NDUFV2: variants seen among roughly 807,000 people sequenced by gnomAD.
NDUFV2 encodes the protein NADH:ubiquinone oxidoreductase core subunit V2.
In NDUFV2, 18 loss-of-function variants were observed where a neutral mutation model predicts 31.6. The ratio of observed to expected loss-of-function variants is 0.57; its 90% CI spans 0.39 to 0.84. The LOEUF (loss-of-function observed/expected upper bound fraction) is 0.84. NDUFV2 is among the 40% of genes least tolerant of loss of function. NDUFV2 has a pLI of 0.00. For missense variants in NDUFV2, 314 were observed against 303.6 expected, an observed-to-expected ratio of 1.03 and a Z score of -0.26; for synonymous variants, 83 against 99.8, an observed-to-expected ratio of 0.83 and a Z score of 1.01.
At chr18:9,116,656 A>C (rs543038583) in intron 1 of NDUFV2, among the ~76,000 whole-genome samples, 2 of 152,370 alleles carry the variant, frequency 1.3e-5, no homozygotes, top group Admixed American at 1.3e-4. Context: ...TAATTAAAGC[A>C]GATGTTCCAT....
chr18:9,118,815 GTTTT>G (rs71168030), intron 2 of NDUFV2, among the ~76,000 whole-genome samples: 3 of 76,760 alleles, frequency 3.9e-5, no homozygotes, highest in African/African-American at 1.5e-4. Context: ...AGATGGTGCT[GTTTT>G]TTTTTTTTTT....
rs764178231 is a variant in NDUFV2, at chr18:9,102,794, C to T, written c.51C>T (p.His17=). Residue 17 remains histidine, a synonymous_variant, in exon 1 of 8, where the codon CAC becomes CAT. Coordinates refer to ENST00000318388, the MANE Select transcript of NDUFV2 (RefSeq NM_021074.5). ...LRARAAGLTA[H]WGRHVRNLHK... ...CCCGGGCGGCTGGCCTCACCGCCCA[C>T]TGGGTAAGGAGGCTCAAGCTGAGCC... is the stretch of plus-strand genomic sequence containing the variant. The T allele has an allele frequency of 1.3e-6, 2 of 1,570,702 alleles. No homozygotes were observed. Among genetic ancestry groups the T allele is most frequent in the South Asian group, 1.2e-5 (1 of 85,594 alleles).
Position 9,119,317 on chromosome 18 carries a change from G to C in NDUFV2, c.121-9G>C. On this transcript the variant is annotated splice_polypyrimidine_tract_variant and intron_variant, in intron 2 of 7. Coordinates refer to ENST00000318388, the MANE Select transcript of NDUFV2 (RefSeq NM_021074.5). ...TGGATAAGTCTGAAAAACTGTTTTT[G>C]TTGTGTAGCACAGAGATACTCCTGA... 2 of 1,610,214 alleles carry C rather than the reference G, an allele frequency of 1.2e-6. No individual in the cohort carries two copies. The highest frequency in any genetic ancestry group is 1.7e-6 in the Non-Finnish European group (2 of 1,176,620).
At chr18:9,125,750 ATTTTC>A (rs545152953) in intron 6 of NDUFV2, among the ~76,000 whole-genome samples, 37 of 152,162 alleles carry the variant, frequency 2.4e-4, no homozygotes, top group Admixed American at 5.9e-4. Flanking sequence ...CTTAAGGTAG[ATTTTC>A]TTTTAAGAAG....
At chr18:9,133,341 G>A (rs1473381451) in intron 7 of NDUFV2, 1 of 152,310 alleles carries the variant, frequency 6.6e-6, no homozygotes, top group East Asian at 1.9e-4. Context: ...CAGTAAGTCT[G>A]AGCTGGGCTC....
intron 7 of NDUFV2, 118 bp from the exon 8 acceptor site, chr18:9,134,068 G>C: frequency 1.4e-6 from 1 of 695,956 alleles, no homozygotes; most frequent in East Asian, 2.9e-5. Flanking sequence ...AATAATCTAT[G>C]CTAGTTCTTA....
At chr18:9,103,867 C>T in intron 1 of NDUFV2, 1 of 328,010 alleles carries the variant, frequency 3.0e-6, no homozygotes, top group Non-Finnish European at 5.6e-6. Context: ...CATTTGATAA[C>T]TGTTTTCTGT....
chr18:9,129,252 T>C (rs1350041600), intron 7 of NDUFV2, among the ~76,000 whole-genome samples: 1 of 152,206 alleles, frequency 6.6e-6, no homozygotes, highest in Non-Finnish European at 1.5e-5. Context: ...CTTTGGCGTT[T>C]AGAATCTTCT....
intron 1 of NDUFV2, among the ~76,000 whole-genome samples, chr18:9,108,596 TTA>T (rs2077853432): frequency 6.6e-6 from 1 of 152,192 alleles, no homozygotes; most frequent in Non-Finnish European, 1.5e-5. Flanking sequence ...GCATTTGTAT[TTA>T]TGATTATCCT....
Position 9,104,230 on chromosome 18 carries a change from GGT to G in NDUFV2, c.54+1438_54+1439del, listed in dbSNP as rs771663238. 2.5e-6 allele frequency: 4 copies of G among 1,612,684 alleles called. No homozygotes were observed. The South Asian group carries it at 4.4e-5, about 18-fold the overall frequency. On this transcript the variant is annotated intron_variant, in intron 1 of 7. Transcript: ENST00000318388. ...AGCCACCCTCTGCTGTTGGAGGTAA[GGT>G]GTGTTCCCAAATGAAATAAGGGAGA... is the stretch of plus-strand genomic sequence containing the variant.
intron 7 of NDUFV2, among the ~76,000 whole-genome samples, chr18:9,132,612 C>T (rs1428263524): frequency 1.3e-5 from 2 of 152,176 alleles, no homozygotes; most frequent in African/African-American, 4.8e-5. Context: ...CACAGTGGCT[C>T]ACCTGTAATC....
intron 7 of NDUFV2, 64 bp from the exon 8 acceptor site, chr18:9,134,122 T>G: frequency 3.1e-6 from 4 of 1,295,976 alleles, no homozygotes; most frequent in Non-Finnish European, 4.5e-6. Flanking sequence ...AGGTAACCAT[T>G]ACAATTTAAG....
chr18:9,126,724 C>T (rs1253181446), intron 6 of NDUFV2, 107 bp from the exon 7 acceptor site: 3 of 979,128 alleles, frequency 3.1e-6, no homozygotes, highest in Non-Finnish European at 4.8e-6. Flanking sequence ...TGCTTAAGCC[C>T]AGGAGTTGGA....
rs185448754 is a variant in NDUFV2, at chr18:9,132,712, G to A, written c.657-1474G>A. On this transcript the variant is annotated intron_variant, in intron 7 of 7. Transcript: ENST00000318388. ...CAACATGGTGAGGTCTTGTCTCTAC[G>A]AAAAATACAAAAATTAGCCAGGCAT... 1.4e-3 allele frequency among the ~76,000 whole-genome samples: 214 copies of A among 152,048 alleles called. 1 individual carries two copies. The highest frequency in any genetic ancestry group is 4.9e-3 in the African/African-American group (205 of 41,492).
At chr18:9,107,089 G>T (rs920363488) in intron 1 of NDUFV2, among the ~76,000 whole-genome samples, 54 of 152,098 alleles carry the variant, frequency 3.6e-4, no homozygotes, top group Non-Finnish European at 4.4e-4. Flanking sequence ...TTAGGATGTG[G>T]TTATCTTTGA....
intron 4 of NDUFV2, among the ~76,000 whole-genome samples, chr18:9,121,868 G>T (rs188654883): frequency 6.6e-6 from 1 of 152,178 alleles, no homozygotes; most frequent in Non-Finnish European, 1.5e-5. Context: ...TAGACTATAT[G>T]ATTCAACTTT....
chr18:9,111,892 CAT>C (rs1366642384), intron 1 of NDUFV2, among the ~76,000 whole-genome samples: 1 of 151,864 alleles, frequency 6.6e-6, no homozygotes, highest in Non-Finnish European at 1.5e-5. Flanking sequence ...AACAGTGATA[CAT>C]CCCACCTTCA....
At chr18:9,119,678 A>T (rs755933742) in intron 4 of NDUFV2, 88 bp downstream of exon 4, 40 of 1,116,910 alleles carry the variant, frequency 3.6e-5, no homozygotes, top group Non-Finnish European at 5.5e-5. Context: ...GATCATCTCC[A>T]GTGTCAGAAT....
Position 9,117,742 on chromosome 18 carries a change from T to C in NDUFV2, c.55-96T>C, listed in dbSNP as rs1439006624. Reference sequence around the variant, plus strand: ...TTTCTTAAGATCTTTTATAAGTTGATTCCATTGTTGTAAATTATGAATCCT... The same window carrying C: ...TTTCTTAAGATCTTTTATAAGTTGACTCCATTGTTGTAAATTATGAATCCT... On this transcript the variant is annotated intron_variant, in intron 1 of 7. Coordinates refer to ENST00000318388, the MANE Select transcript of NDUFV2 (RefSeq NM_021074.5). 5.4e-6 allele frequency: 4 copies of C among 739,520 alleles called. No individual in the cohort carries two copies. In the Admixed American group the frequency reaches 7.9e-5, roughly 15 times the overall value. The allele number at this position is 739,520 out of a possible 1,614,324, so 45.8% of individuals were successfully genotyped here. A position where few individuals can be genotyped will look rare whatever the true frequency, so the allele number is the denominator to read the frequency against.
Sources: gnomAD v4.1 joint callset for allele counts (sites outside exome capture counted in the v4.1 genomes callset) on GRCh38, gnomAD v4.1.1 for gene constraint, MANE v1.5 for transcripts, NCBI Gene and HGNC (gene_info 2026-07-23, HGNC 2026-07-21) for gene names.